The following CGNL1 variants were observed in gnomAD, a reference collection of about 807,000 sequenced individuals.
CGNL1 encodes the protein cingulin-like protein 1.
In CGNL1, 132 loss-of-function variants were observed where a neutral mutation model predicts 141.2. That is an observed-to-expected ratio of 0.93 (90% CI 0.81 to 1.08). The LOEUF is 1.08. CGNL1 is among the 50% of genes least tolerant of loss of function. The pLI, the probability that CGNL1 is intolerant of heterozygous loss-of-function variation, is 0.00. For synonymous variants in CGNL1, 690 were observed against 622.1 expected (o/e 1.11, Z -1.63); for missense variants, 1,870 against 1,588.6 (o/e 1.18, Z -3.01).
At chr15:57,448,134 C>T (rs1184020812) in intron 4 of CGNL1, among the ~76,000 whole-genome samples, 2 of 151,740 alleles carry the variant, frequency 1.3e-5, no homozygotes, top group African/African-American at 4.8e-5. Flanking sequence ...TAGTGAGATC[C>T]CATCTCTACA....
chr15:57,455,109 T>C (rs2063363674), intron 7 of CGNL1, among the ~76,000 whole-genome samples: 1 of 152,206 alleles, frequency 6.6e-6, no homozygotes. Context: ...TTATACTTTA[T>C]GCTCTTTGTA....
At chr15:57,513,192 C>T (rs1337885309) in intron 8 of CGNL1, among the ~76,000 whole-genome samples, 1 of 151,752 alleles carries the variant, frequency 6.6e-6, no homozygotes, top group East Asian at 1.9e-4. Context: ...AGGGCAATCA[C>T]TAATCTATTT....
Position 57,442,403 on chromosome 15 carries a change from G to C in CGNL1, c.1728G>C (p.Arg576Ser), listed in dbSNP as rs529813330. 3.7e-6 allele frequency: 6 copies of C among 1,613,488 alleles called. No homozygotes were observed. The African/African-American group carries it at 8.0e-5, about 22-fold the overall frequency. ...CTGATAATGACGATGCTACTAAAAGGAAAGTCAACTTGGTCTTTGAGAAAA... is the reference window on the plus strand; with the variant it reads ...CTGATAATGACGATGCTACTAAAAGCAAAGTCAACTTGGTCTTTGAGAAAA... ...GSTDNDDATKRKVNLVFEKIQ... is the reference protein window; with the variant it reads ...GSTDNDDATKSKVNLVFEKIQ... The change falls in exon 4 of 19, where the codon AGG becomes AGC. Residue 576 changes from arginine to serine, a missense_variant. By Grantham distance (110) the Arg-to-Ser change is moderately radical. Transcript: ENST00000281282.
chr15:57,393,207 G>T (rs1396530272), intron 1 of CGNL1, among the ~76,000 whole-genome samples: 1 of 152,144 alleles, frequency 6.6e-6, no homozygotes, highest in African/African-American at 2.4e-5. Flanking sequence ...TTTCTATTGA[G>T]TTACTTTTAA....
chr15:57,481,151 T>G (rs1482283383), intron 8 of CGNL1, among the ~76,000 whole-genome samples: 9 of 151,186 alleles, frequency 6.0e-5, no homozygotes, highest in South Asian at 2.1e-4. Context: ...GTTATAAATT[T>G]ATATGCAATT....
chr15:57,451,211 GC>G lies in CGNL1; in HGVS notation c.1804-288del, dbSNP rs2063317975. Among the ~76,000 whole-genome samples, 4 of 152,130 alleles carry G rather than the reference GC, an allele frequency of 2.6e-5. No individual in the cohort carries two copies. In the South Asian group the frequency reaches 8.3e-4, roughly 32 times the overall value. ...GACTTCTAACAAATATGCCATGTAT[GC>G]AAGTTTTAGTCATATTGGACTAGTG... On this transcript the variant is annotated intron_variant, in intron 4 of 18. Transcript: ENST00000281282.
At chr15:57,480,196 T>A (rs1442433419) in intron 8 of CGNL1, among the ~76,000 whole-genome samples, 3 of 139,112 alleles carry the variant, frequency 2.2e-5, no homozygotes, top group Non-Finnish European at 1.5e-5. Context: ...ATTTCTAGGG[T>A]CTCTCTATCC....
intron 14 of CGNL1, among the ~76,000 whole-genome samples, chr15:57,541,978 C>A (rs1266742945): frequency 6.6e-6 from 1 of 152,210 alleles, no homozygotes; most frequent in Non-Finnish European, 1.5e-5. Flanking sequence ...GCCTGTCCCA[C>A]CAGCATCATT....
intron 14 of CGNL1, among the ~76,000 whole-genome samples, chr15:57,536,663 C>T (rs1183331466): frequency 5.9e-5 from 9 of 152,118 alleles, no homozygotes; most frequent in Admixed American, 4.6e-4. Flanking sequence ...TTTTCCTTTC[C>T]GTCCTCCAAA....
intron 3 of CGNL1, among the ~76,000 whole-genome samples, chr15:57,441,059 A>G (rs2063180340): frequency 9.9e-6 from 1 of 101,490 alleles, no homozygotes; most frequent in Non-Finnish European, 2.1e-5. Flanking sequence ...AACAGATGTG[A>G]TTAAGAGGAA....
chr15:57,441,566 A>G (rs2063187709), intron 3 of CGNL1, among the ~76,000 whole-genome samples: 1 of 152,090 alleles, frequency 6.6e-6, no homozygotes, highest in African/African-American at 2.4e-5. Context: ...ACACAGTTTC[A>G]TCATATTGGC....
In CGNL1 at chr15:57,461,730, G is replaced by A. The variant is rs2063449053; in HGVS notation, c.2241G>A (p.Glu747=). ...QDLQDLLIAK[E]EQEDLLRKRE... is the part of the protein sequence containing the mutation. Reference sequence around the variant, plus strand: ...TTCAAGATCTGCTGATTGCCAAAGAGGAGCAAGAAGACCTCTTGAGAAAGC... The same window carrying A: ...TTCAAGATCTGCTGATTGCCAAAGAAGAGCAAGAAGACCTCTTGAGAAAGC... Residue 747 remains glutamate, a synonymous_variant, in exon 8 of 19, where the codon GAG becomes GAA. Coordinates refer to ENST00000281282, the MANE Select transcript of CGNL1 (RefSeq NM_032866.5). 1 of 1,614,170 alleles carries A rather than the reference G, an allele frequency of 6.2e-7. No individual in the cohort carries two copies. Among genetic ancestry groups the A allele is most frequent in the Non-Finnish European group, 8.5e-7 (1 of 1,180,022 alleles).
At chr15:57,523,383 C>A in intron 10 of CGNL1, 106 bp from the exon 11 acceptor site, 1 of 901,964 alleles carries the variant, frequency 1.1e-6, no homozygotes, top group Non-Finnish European at 1.7e-6. Context: ...ACGGATTTAA[C>A]AGATCTGATT....
intron 6 of CGNL1, among the ~76,000 whole-genome samples, chr15:57,452,813 T>C (rs1350128943): frequency 6.6e-6 from 1 of 152,126 alleles, no homozygotes; most frequent in East Asian, 1.9e-4. Context: ...AACCAAGGTC[T>C]AAGAATAAAC....
chr15:57,499,854 G>A (rs1477734709), intron 8 of CGNL1, among the ~76,000 whole-genome samples: 1 of 152,212 alleles, frequency 6.6e-6, no homozygotes, highest in Admixed American at 6.5e-5. Context: ...TTGAAGCCTT[G>A]GGCAGATCAG....
intron 12 of CGNL1, chr15:57,527,519 C>T (rs576625532): frequency 5.9e-5 from 9 of 152,434 alleles, no homozygotes; most frequent in African/African-American, 1.9e-4. Flanking sequence ...AGCAGACAGC[C>T]TGCGGCTTCA....
chr15:57,432,258 T>G (rs1470575232), intron 1 of CGNL1, among the ~76,000 whole-genome samples: 1 of 152,180 alleles, frequency 6.6e-6, no homozygotes, highest in African/African-American at 2.4e-5. Context: ...GGCTGGTGAA[T>G]ATGCATGCAG....
intron 8 of CGNL1, among the ~76,000 whole-genome samples, chr15:57,503,697 G>T (rs2064060163): frequency 6.6e-6 from 1 of 152,180 alleles, no homozygotes; most frequent in Non-Finnish European, 1.5e-5. Flanking sequence ...ACATGGCTGG[G>T]GAGGCCTCAG....
chr15:57,398,819 C>A (rs2062629904), intron 1 of CGNL1, among the ~76,000 whole-genome samples: 2 of 152,148 alleles, frequency 1.3e-5, no homozygotes, highest in Admixed American at 1.3e-4. Flanking sequence ...GTGCAGAGGC[C>A]TTGTATTTTT....
Sources: allele counts gnomAD v4.1 joint callset (sites outside exome capture counted in the v4.1 genomes callset), GRCh38; gene constraint gnomAD v4.1.1; transcripts MANE v1.5; gene names NCBI Gene and HGNC (gene_info 2026-07-23, HGNC 2026-07-21).